SPICE1: variants seen among roughly 807,000 people sequenced by gnomAD.
SPICE1 encodes the protein spindle and centriole-associated protein 1.
In SPICE1, 75 loss-of-function variants were observed where a neutral mutation model predicts 102.7. The observed-to-expected ratio is 0.73, with a 90% CI of 0.61 to 0.88. The LOEUF (loss-of-function observed/expected upper bound fraction) is 0.88. Ranked by LOEUF, SPICE1 falls within the 40% of genes least tolerant of loss-of-function variation. The pLI, the probability that SPICE1 is intolerant of heterozygous loss-of-function variation, is 0.00. For synonymous variants in SPICE1, 308 were observed against 350.3 expected, an observed-to-expected ratio of 0.88 and a Z score of 1.35; for missense variants, 979 against 1,020.1, an observed-to-expected ratio of 0.96 and a Z score of 0.55.
intron 7 of SPICE1, among the ~76,000 whole-genome samples, chr3:113,475,783 C>A (rs975492632): frequency 1.3e-5 from 2 of 152,158 alleles, no homozygotes; most frequent in Non-Finnish European, 2.9e-5. Flanking sequence ...TGGGATGTAT[C>A]TCAAAATAAT....
At chr3:113,480,246 G>C (rs9839921) in intron 7 of SPICE1, among the ~76,000 whole-genome samples, 31,702 of 150,086 alleles carry the variant, frequency 0.21, 3,606 homozygotes, top group African/African-American at 0.3. Flanking sequence ...AGCACCATGC[G>C]CAAATAGTTT....
At chr3:113,471,131 T>C (rs958453809) in intron 7 of SPICE1, among the ~76,000 whole-genome samples, 1 of 151,516 alleles carries the variant, frequency 6.6e-6, no homozygotes. Context: ...GGAAGGACCA[T>C]GGTAGGCTAA....
intron 4 of SPICE1, among the ~76,000 whole-genome samples, chr3:113,495,553 C>T (rs964503811): frequency 6.6e-6 from 1 of 152,212 alleles, no homozygotes. Context: ...AGTCCAGTCC[C>T]AGTCAACAAC....
At chr3:113,503,914 C>G (rs1479415355) in intron 2 of SPICE1, among the ~76,000 whole-genome samples, 1 of 65,824 alleles carries the variant, frequency 1.5e-5, no homozygotes, top group African/African-American at 6.2e-5. Flanking sequence ...GCCTCAGCAA[C>G]AAAGCGAGTT....
Position 113,482,219 on chromosome 3 carries a change from A to T in SPICE1, c.611+6726T>A, listed in dbSNP as rs368251555. On this transcript the variant is annotated intron_variant, in intron 7 of 17. Transcript: ENST00000295872. ...GGCTGCATAAATGTCTTATTTGAGA[A>T]GTGTCTGTTCATATCCTCCACCTAC... Among the ~76,000 whole-genome samples the T allele has an allele frequency of 2.6e-5, 4 of 152,168 alleles. No homozygotes were observed. The South Asian group carries it at 8.3e-4, about 32-fold the overall frequency.
chr3:113,486,749 C>T (rs72946733), intron 7 of SPICE1, among the ~76,000 whole-genome samples: 4,786 of 151,460 alleles, frequency 0.032, 249 homozygotes, highest in African/African-American at 0.11. Flanking sequence ...ACCTCATGAA[C>T]ATGCACATTT....
At chr3:113,509,705 T>C (rs1369617961) in intron 1 of SPICE1, among the ~76,000 whole-genome samples, 3 of 152,220 alleles carry the variant, frequency 2.0e-5, no homozygotes, top group Admixed American at 6.5e-5. Flanking sequence ...CCTGCTGATA[T>C]GGTTTGGCTG....
intron 14 of SPICE1, among the ~76,000 whole-genome samples, chr3:113,451,892 A>C (rs951749216): frequency 4.1e-5 from 6 of 144,842 alleles, no homozygotes; most frequent in African/African-American, 1.7e-4. Context: ...CCTATGACTC[A>C]CCTCACCCTA....
At chr3:113,471,855 T>A (rs1326019766) in intron 7 of SPICE1, among the ~76,000 whole-genome samples, 1 of 152,150 alleles carries the variant, frequency 6.6e-6, no homozygotes, top group Non-Finnish European at 1.5e-5. Flanking sequence ...GCTCCCAGCG[T>A]GAGTGACACA....
intron 16 of SPICE1, among the ~76,000 whole-genome samples, chr3:113,447,039 G>A (rs1236599944): frequency 6.6e-6 from 1 of 152,000 alleles, no homozygotes; most frequent in Admixed American, 6.6e-5. Context: ...GGTTTATCAG[G>A]GGTTTCTGCT....
chr3:113,478,114 A>T (rs931461058), intron 7 of SPICE1, among the ~76,000 whole-genome samples: 1 of 152,044 alleles, frequency 6.6e-6, no homozygotes, highest in Non-Finnish European at 1.5e-5. Flanking sequence ...ACCAAAAGAA[A>T]TTTTTTAAAA....
intron 3 of SPICE1, 80 bp downstream of exon 3, chr3:113,503,100 T>C (rs974823214): frequency 2.1e-6 from 3 of 1,431,234 alleles, no homozygotes; most frequent in Non-Finnish European, 2.9e-6. Context: ...GAAGTGCCTA[T>C]AGTTTCTATT....
chr3:113,489,075 C>T lies in SPICE1; in HGVS notation c.493-12G>A. ...ACATCATTAAGAGCCTGTCTCAACA[C>T]AACAATAAAAATAGCACAAGTTGAT... On this transcript the variant is annotated splice_polypyrimidine_tract_variant and intron_variant, in intron 6 of 17. Coordinates refer to ENST00000295872, the MANE Select transcript of SPICE1 (RefSeq NM_144718.4). The T allele has an allele frequency of 1.3e-6, 2 of 1,512,486 alleles. No homozygotes were observed. The highest frequency in any genetic ancestry group is 2.3e-5 in the East Asian group (1 of 44,306). The allele number at this position is 1,512,486 out of a possible 1,614,324, so 93.7% of individuals were successfully genotyped here.
chr3:113,486,003 T>C (rs1157512446), intron 7 of SPICE1, among the ~76,000 whole-genome samples: 2 of 151,908 alleles, frequency 1.3e-5, no homozygotes, highest in Non-Finnish European at 2.9e-5. Context: ...TCCAGTTTCC[T>C]GGGAGGCTGA....
rs535293760 is a variant in SPICE1 at position 113,444,768 on chromosome 3, C to A, written c.*539G>T. 7 of 152,236 alleles carry A rather than the reference C, an allele frequency of 4.6e-5. No individual in the cohort carries two copies. In the South Asian group the frequency reaches 1.5e-3, roughly 32 times the overall value. The allele number at this position is 152,236 out of a possible 1,614,324, so 9.4% of individuals were successfully genotyped here. A position where few individuals can be genotyped will look rare whatever the true frequency, so the allele number is the denominator to read the frequency against. ...GCTTAAGCAAATATAAACAAACACT[C>A]CCAGGCCTATTGTTTTTAAGGCTGT... On this transcript the variant is annotated 3_prime_UTR_variant, in exon 18 of 18. Transcript: ENST00000295872.
Position 113,503,377 on chromosome 3 carries a change from T to A in SPICE1, c.100-150A>T, listed in dbSNP as rs968784281. The stretch of plus-strand genomic sequence containing the variant: ...GGAACCAGTATTCTCAATTTAGATA[T>A]GAACACATATTAGTTTTAGGTGTCC... On this transcript the variant is annotated intron_variant, in intron 2 of 17. Transcript: ENST00000295872. 91 of 687,354 alleles carry A rather than the reference T, an allele frequency of 1.3e-4. 1 individual carries two copies. The Middle Eastern group carries it at 3.4e-3, about 26-fold the overall frequency. 42.6% of individuals were successfully genotyped at this position (687,354 alleles called of 1,614,324 possible).
chr3:113,480,621 TATAG>T (rs1401394777), intron 7 of SPICE1, among the ~76,000 whole-genome samples: 1 of 152,166 alleles, frequency 6.6e-6, no homozygotes, highest in Non-Finnish European at 1.5e-5. Context: ...TGATTATCTC[TATAG>T]ATATTGAAAA....
chr3:113,514,818 G>A (rs1203857472), intron 1 of SPICE1, 79 bp downstream of exon 1: 1 of 1,261,000 alleles, frequency 7.9e-7, no homozygotes, highest in Non-Finnish European at 1.0e-6. Context: ...AAAAGCTCCC[G>A]AAAGCGGTGC....
intron 4 of SPICE1, among the ~76,000 whole-genome samples, chr3:113,496,991 A>G (rs1936904737): frequency 6.6e-6 from 1 of 152,202 alleles, no homozygotes; most frequent in South Asian, 2.1e-4. Flanking sequence ...AGTATCCAGC[A>G]ATGTTCTTTT....
Sources: allele counts gnomAD v4.1 joint callset (sites outside exome capture counted in the v4.1 genomes callset), GRCh38; gene constraint gnomAD v4.1.1; transcripts MANE v1.5; gene names NCBI Gene and HGNC (gene_info 2026-07-23, HGNC 2026-07-21).